The following CNTNAP3B variants were observed in gnomAD, a reference collection of about 807,000 sequenced individuals.
The protein encoded by CNTNAP3B is contactin associated protein family member 3B.
A neutral mutation model predicts 108.9 loss-of-function variants in CNTNAP3B; 25 were observed. The observed-to-expected ratio is 0.23, with a 90% CI of 0.17 to 0.32. CNTNAP3B has a LOEUF of 0.32. Ranked by LOEUF, CNTNAP3B falls within the 10% of genes least tolerant of loss-of-function variation. CNTNAP3B has a pLI of 1.00. For missense variants in CNTNAP3B, 252 were observed against 1,210.4 expected, an observed-to-expected ratio of 0.21 and a Z score of 11.75; for synonymous variants, 103 against 473.4, an observed-to-expected ratio of 0.22 and a Z score of 10.16.
intron 12 of CNTNAP3B, among the ~76,000 whole-genome samples, chr9:41,957,843 C>T (rs1824913724): frequency 6.6e-6 from 1 of 152,298 alleles, no homozygotes; most frequent in African/African-American, 2.4e-5. Flanking sequence ...TCACTGCAAG[C>T]TCCGCCTCCT....
At chr9:41,916,352 T>C (rs920007656) in intron 18 of CNTNAP3B, among the ~76,000 whole-genome samples, 1 of 147,378 alleles carries the variant, frequency 6.8e-6, no homozygotes, top group Non-Finnish European at 1.5e-5. Flanking sequence ...AGTTAAGCAC[T>C]GAAAAGGGTA....
intron 3 of CNTNAP3B, among the ~76,000 whole-genome samples, chr9:42,067,896 G>T (rs1047493866): frequency 1.6e-5 from 2 of 128,168 alleles, no homozygotes; most frequent in Admixed American, 7.9e-5. Context: ...TCTAGTGAAT[G>T]TTCATCAGAA....
At position 41,972,624 on chromosome 9, in the gene CNTNAP3B, C is replaced by T. The variant is rs1283896522; in HGVS notation, c.1478-2379G>A. Among the ~76,000 whole-genome samples the T allele has an allele frequency of 4.4e-5, 6 of 137,840 alleles. 2 individuals are homozygous for T. Among genetic ancestry groups the T allele is most frequent in the Non-Finnish European group, 9.3e-5 (6 of 64,684 alleles). 90.4% of individuals were successfully genotyped at this position (137,840 alleles called of 152,430 possible). A position where few individuals can be genotyped will look rare whatever the true frequency, so the allele number is the denominator to read the frequency against. ...CTTATCGAAACTATACATAACCTCA[C>T]AGACACTTGGAAGTTTAACATTTAA... is the stretch of plus-strand genomic sequence containing the variant. On this transcript the variant is annotated intron_variant, in intron 9 of 23. Transcript: ENST00000377561.
At chr9:42,128,086 A>G (rs1828611151) in intron 1 of CNTNAP3B, among the ~76,000 whole-genome samples, 1 of 139,154 alleles carries the variant, frequency 7.2e-6, no homozygotes. Flanking sequence ...CATTTTAAAA[A>G]TTCTAATCTC....
At chr9:41,951,496 G>A (rs1824677948) in intron 13 of CNTNAP3B, among the ~76,000 whole-genome samples, 1 of 151,600 alleles carries the variant, frequency 6.6e-6, no homozygotes, top group Non-Finnish European at 1.5e-5. Context: ...CTTACTTACT[G>A]AACTTATGTA....
chr9:41,955,808 T>G (rs1388101945), intron 12 of CNTNAP3B, among the ~76,000 whole-genome samples: 1 of 152,288 alleles, frequency 6.6e-6, no homozygotes, highest in African/African-American at 2.4e-5. Flanking sequence ...ACTTTGAAAA[T>G]TAAGCTAATT....
chr9:41,935,922 T>G (rs1322828239), intron 14 of CNTNAP3B, among the ~76,000 whole-genome samples: 2 of 152,290 alleles, frequency 1.3e-5, no homozygotes, highest in East Asian at 1.9e-4. Context: ...CCCACCTCAG[T>G]TCCTCCCATC....
chr9:42,056,252 TGAG>T (rs1236506273), intron 3 of CNTNAP3B, among the ~76,000 whole-genome samples: 1 of 137,194 alleles, frequency 7.3e-6, no homozygotes. Context: ...TCTAATAAAC[TGAG>T]TAGTACCTCA....
At position 42,115,990 on chromosome 9, in the gene CNTNAP3B, G is replaced by C. The variant is rs1828307388; in HGVS notation, c.86-11251C>G. Among the ~76,000 whole-genome samples, 2 of 137,926 alleles carry C rather than the reference G, an allele frequency of 1.5e-5. 1 individual carries two copies. Among genetic ancestry groups the C allele is most frequent in the Non-Finnish European group, 3.1e-5 (2 of 64,728 alleles). The allele number at this position is 137,926 out of a possible 152,430, so 90.5% of individuals were successfully genotyped here. Reference sequence around the variant, plus strand: ...ACCTTGAAAAAGGATTAGACGAATGGCTAACTAGAATAAACAGCGTAGAGA... The same window carrying C: ...ACCTTGAAAAAGGATTAGACGAATGCCTAACTAGAATAAACAGCGTAGAGA... On this transcript the variant is annotated intron_variant, in intron 1 of 23. Transcript: ENST00000377561.
intron 1 of CNTNAP3B, among the ~76,000 whole-genome samples, chr9:42,117,108 C>A (rs1828335728): frequency 7.2e-6 from 1 of 138,382 alleles, no homozygotes; most frequent in South Asian, 2.3e-4. Context: ...CAACATTAGA[C>A]AGATCAACAA....
chr9:42,066,502 C>A lies in CNTNAP3B; in HGVS notation c.390+10367G>T, dbSNP rs1489993725. On this transcript the variant is annotated intron_variant, in intron 3 of 23. Coordinates refer to ENST00000377561, the MANE Select transcript of CNTNAP3B (RefSeq NM_001201380.3). ...AGAGCAGTGGCATGATCTCGGCTCA[C>A]CACAACCTCTGCCTCCCGGGTTCAA... 5.3e-5 allele frequency among the ~76,000 whole-genome samples: 6 copies of A among 113,526 alleles called. 2 individuals are homozygous for A. Among genetic ancestry groups the A allele is most frequent in the African/African-American group, 1.8e-4 (5 of 27,868 alleles). 74.5% of individuals were successfully genotyped at this position (113,526 alleles called of 152,430 possible).
intron 3 of CNTNAP3B, among the ~76,000 whole-genome samples, chr9:42,018,701 G>C (rs1826255207): frequency 6.6e-6 from 1 of 151,670 alleles, no homozygotes; most frequent in Non-Finnish European, 1.5e-5. Flanking sequence ...CTCAGTTTTG[G>C]AGTTTCCTGT....
chr9:41,962,835 G>T (rs1212148936), intron 11 of CNTNAP3B, among the ~76,000 whole-genome samples: 1 of 152,166 alleles, frequency 6.6e-6, no homozygotes, highest in Non-Finnish European at 1.5e-5. Flanking sequence ...GGCGCCTGTA[G>T]TCCCAGGTAC....
At chr9:42,055,030 T>A (rs1357937168) in intron 3 of CNTNAP3B, among the ~76,000 whole-genome samples, 1 of 141,680 alleles carries the variant, frequency 7.1e-6, no homozygotes, top group Non-Finnish European at 1.5e-5. Context: ...TTTCAGGTTT[T>A]ATATCAGTAT....
At chr9:42,070,545 C>A in intron 3 of CNTNAP3B, among the ~76,000 whole-genome samples, 1 of 143,182 alleles carries the variant, frequency 7.0e-6, no homozygotes, top group East Asian at 2.1e-4. Flanking sequence ...AGCTACCCAG[C>A]CACACCCTCA....
In CNTNAP3B at chr9:41,943,689, C is replaced by G. The variant is rs531906323; in HGVS notation, c.2081-5289G>C. 1.8e-3 allele frequency among the ~76,000 whole-genome samples: 273 copies of G among 148,012 alleles called. No homozygotes were observed. The East Asian group carries it at 0.051, about 28-fold the overall frequency. Reference sequence around the variant, plus strand: ...AATTCAAACGGTGTAACCTATGTAACCCATAATCGGAATACCAGAAGTAGA... The same window carrying G: ...AATTCAAACGGTGTAACCTATGTAAGCCATAATCGGAATACCAGAAGTAGA... On this transcript the variant is annotated intron_variant, in intron 13 of 23. Transcript: ENST00000377561.
chr9:41,935,382 A>G, intron 14 of CNTNAP3B, among the ~76,000 whole-genome samples: 1 of 152,408 alleles, frequency 6.6e-6, no homozygotes, highest in South Asian at 2.1e-4. Flanking sequence ...CTTTACTTTC[A>G]TTCCCAAATA....
rs1268819609 is a variant in CNTNAP3B, at chr9:42,070,891, GA to G, written c.390+5977del. On this transcript the variant is annotated intron_variant, in intron 3 of 23. Transcript: ENST00000377561. ...GTCCACTGCCCCAAAAACGTCCCATGACAGCTAGTGGACACTTTTTTAGATT... is the reference window on the plus strand; with the variant it reads ...GTCCACTGCCCCAAAAACGTCCCATGCAGCTAGTGGACACTTTTTTAGATT... Among the ~76,000 whole-genome samples the G allele has an allele frequency of 1.1e-4, 16 of 151,688 alleles. 1 individual carries two copies. In the East Asian group the frequency reaches 3.1e-3, roughly 29 times the overall value.
At chr9:41,973,694 A>G (rs1453337652) in intron 9 of CNTNAP3B, among the ~76,000 whole-genome samples, 16 of 139,562 alleles carry the variant, frequency 1.1e-4, no homozygotes, top group Non-Finnish European at 1.5e-4. Flanking sequence ...TGAATGCAAA[A>G]AACTGCAGGC....
Sources: allele counts gnomAD v4.1 joint callset (sites outside exome capture counted in the v4.1 genomes callset), GRCh38; gene constraint gnomAD v4.1.1; transcripts MANE v1.5; gene names NCBI Gene and HGNC (gene_info 2026-07-23, HGNC 2026-07-21).